Variants in CUX1 observed in about 807,000 individuals in gnomAD.
The protein encoded by CUX1 is cut like homeobox 1.
Under a neutral mutation model 158.8 loss-of-function variants are expected in CUX1, and 31 were observed. The observed-to-expected ratio is 0.20, with a 90% CI of 0.15 to 0.26. The LOEUF (loss-of-function observed/expected upper bound fraction) is 0.26. Ranked by LOEUF, CUX1 falls within the 10% of genes least tolerant of loss-of-function variation. The probability of loss-of-function intolerance (pLI) is 1.00; values close to 1 mark genes in which losing one functional copy is unlikely to be tolerated. For synonymous variants in CUX1, 879 were observed against 862.1 expected (o/e 1.02, Z -0.34); for missense variants, 1,589 against 2,014.6 (o/e 0.79, Z 4.04).
chr7:102,098,688 C>T (rs1554485168), intron 5 of CUX1, among the ~76,000 whole-genome samples: 1 of 150,876 alleles, frequency 6.6e-6, no homozygotes, highest in East Asian at 2.0e-4. Context: ...GTCGCCCAGG[C>T]TGGAGTGCAG....
At position 102,249,100 on chromosome 7, in the gene CUX1, G is replaced by A. The variant is rs1354320761; in HGVS notation, c.*58G>A. 1.2e-5 allele frequency: 15 copies of A among 1,205,716 alleles called. No individual in the cohort carries two copies. Among genetic ancestry groups the A allele is most frequent in the South Asian group, 3.2e-5 (1 of 31,478 alleles). 74.7% of individuals were successfully genotyped at this position (1,205,716 alleles called of 1,614,324 possible). A position where few individuals can be genotyped will look rare whatever the true frequency, so the allele number is the denominator to read the frequency against. On this transcript the variant is annotated 3_prime_UTR_variant, in exon 24 of 24. Transcript: ENST00000292535. ...GGGCCGCAAGGGCCTGGACGGGGTC[G>A]GACGGGGCAGGCGCTGCGGACACCG...
intron 2 of CUX1, among the ~76,000 whole-genome samples, chr7:101,945,516 G>T (rs1404394575): frequency 6.6e-6 from 1 of 152,200 alleles, no homozygotes; most frequent in Non-Finnish European, 1.5e-5. Flanking sequence ...TTCTCATTAT[G>T]CTGGGCACGG....
rs112753274 is a variant in CUX1 at position 102,075,717 on chromosome 7, A to G, written c.268+5300A>G. Among the ~76,000 whole-genome samples the G allele has an allele frequency of 7.9e-5, 12 of 152,334 alleles. 1 individual carries two copies. Among genetic ancestry groups the G allele is most frequent in the Admixed American group, 2.0e-4 (3 of 15,310 alleles). ...CACTGCAGAGCACTAAGACAAGTCA[A>G]TTGCAGGAGAACAGAATGTATCTTT... On this transcript the variant is annotated intron_variant, in intron 4 of 23. Transcript: ENST00000292535.
intron 1 of CUX1, among the ~76,000 whole-genome samples, chr7:101,864,805 C>T (rs1797782644): frequency 6.6e-6 from 1 of 152,066 alleles, no homozygotes; most frequent in Non-Finnish European, 1.5e-5. Context: ...CCTGCCTTGG[C>T]CTCCCAAAGG....
At chr7:101,848,066 AAAAAAAAAAG>A in intron 1 of CUX1, among the ~76,000 whole-genome samples, 2 of 151,618 alleles carry the variant, frequency 1.3e-5, no homozygotes, top group Non-Finnish European at 2.9e-5. Context: ...AAAAAAAAAA[AAAAAAAAAAG>A]AAAAGAAAAA....
rs1790106570 is a variant in CUX1 at position 102,258,172 on chromosome 7, A to C, written c.*9130A>C. The C allele has an allele frequency of 1.0e-6, 1 of 984,960 alleles. No individual in the cohort carries two copies. The highest frequency in any genetic ancestry group is 4.7e-5 in the South Asian group (1 of 21,282). 61.0% of individuals were successfully genotyped at this position (984,960 alleles called of 1,614,324 possible). ...TCACTGTATGAGACTCACACCATGT[A>C]TTATTATTCACTAGCACCCTAGGTG... On this transcript the variant is annotated 3_prime_UTR_variant, in exon 24 of 24. Coordinates refer to ENST00000292535, the MANE Select transcript of CUX1 (RefSeq NM_181552.4).
chr7:102,269,701 G>A (rs1016217781), intron 14 of CUX1, among the ~76,000 whole-genome samples: 3 of 151,148 alleles, frequency 2.0e-5, no homozygotes, highest in African/African-American at 7.3e-5. Flanking sequence ...TGGGATTACA[G>A]GCGTGAGCCA....
chr7:102,268,902 T>A (rs1791000045), intron 14 of CUX1, among the ~76,000 whole-genome samples: 1 of 148,780 alleles, frequency 6.7e-6, no homozygotes, highest in South Asian at 2.1e-4. Context: ...CCCAAACACC[T>A]CCCACCAGGC....
At chr7:101,943,966 A>T (rs920082046) in intron 2 of CUX1, among the ~76,000 whole-genome samples, 1,077 of 7,242 alleles carry the variant, frequency 0.15, 16 homozygotes, top group African/African-American at 0.36. Flanking sequence ...TTAAAAATTA[A>T]AAAAAAAAAA....
chr7:101,923,430 A>T (rs1331125770), intron 2 of CUX1, among the ~76,000 whole-genome samples: 1 of 152,140 alleles, frequency 6.6e-6, no homozygotes, highest in African/African-American at 2.4e-5. Flanking sequence ...TTTATCATGA[A>T]ACCATCCCCA....
At chr7:101,983,932 G>A (rs915910116) in intron 2 of CUX1, among the ~76,000 whole-genome samples, 2 of 151,178 alleles carry the variant, frequency 1.3e-5, no homozygotes, top group Non-Finnish European at 2.9e-5. Context: ...TACTCAGGAG[G>A]CTGAGGCAGG....
At chr7:101,914,048 G>A (rs1420828630) in intron 1 of CUX1, among the ~76,000 whole-genome samples, 8 of 151,714 alleles carry the variant, frequency 5.3e-5, no homozygotes, top group South Asian at 2.1e-4. Flanking sequence ...CATTGGTTTC[G>A]GTTGCTCTTT....
chr7:102,005,996 T>C (rs1203419712), intron 2 of CUX1, among the ~76,000 whole-genome samples: 1 of 152,198 alleles, frequency 6.6e-6, no homozygotes, highest in Non-Finnish European at 1.5e-5. Flanking sequence ...TGGTTTGTTT[T>C]GGAAGCCGAT....
intron 1 of CUX1, chr7:101,913,554 A>G: frequency 2.9e-6 from 1 of 343,860 alleles, no homozygotes; most frequent in Non-Finnish European, 4.7e-6. Flanking sequence ...GAGGGGGCCC[A>G]CAGACCCCCG....
At chr7:102,005,062 A>C (rs1817156991) in intron 2 of CUX1, among the ~76,000 whole-genome samples, 1 of 152,192 alleles carries the variant, frequency 6.6e-6, no homozygotes, top group Non-Finnish European at 1.5e-5. Context: ...TATTGCAGGC[A>C]GGGGACTGCA....
At chr7:101,870,270 C>A (rs1255343269) in intron 1 of CUX1, among the ~76,000 whole-genome samples, 1 of 151,320 alleles carries the variant, frequency 6.6e-6, no homozygotes. Context: ...CCTCCCACCT[C>A]AGACTCCTGA....
At chr7:102,261,119 A>T (rs1280311651), downstream of CUX1, among the ~76,000 whole-genome samples, 6 of 152,204 alleles carry the variant, frequency 3.9e-5, no homozygotes, top group African/African-American at 1.4e-4. Flanking sequence ...GACAGGGGAG[A>T]CACAGCCTGG....
At chr7:102,216,546 A>ACT (rs145620241) in intron 20 of CUX1, among the ~76,000 whole-genome samples, 1 of 98,158 alleles carries the variant, frequency 1.0e-5, no homozygotes, top group African/African-American at 4.4e-5. Flanking sequence ...ACACACACAC[A>ACT]CCCACACACG....
intron 23 of CUX1, among the ~76,000 whole-genome samples, chr7:102,242,211 T>C (rs1348232915): frequency 8.3e-5 from 12 of 144,090 alleles, no homozygotes; most frequent in African/African-American, 2.5e-4. Flanking sequence ...CTTTCTTTTT[T>C]TTTTTTTTTT....
Sources: gnomAD v4.1 joint callset for allele counts (sites outside exome capture counted in the v4.1 genomes callset) on GRCh38, gnomAD v4.1.1 for gene constraint, MANE v1.5 for transcripts, NCBI Gene and HGNC (gene_info 2026-07-23, HGNC 2026-07-21) for gene names.